CACNA2D4: variants seen among roughly 807,000 people sequenced by gnomAD.
CACNA2D4 encodes calcium voltage-gated channel auxiliary subunit alpha2delta 4, also known as voltage-dependent calcium channel subunit alpha-2/delta-4.
In CACNA2D4, 157 loss-of-function variants were observed where a neutral mutation model predicts 163.8. That is an observed-to-expected ratio of 0.96 (90% CI 0.84 to 1.09). CACNA2D4 has a LOEUF of 1.09. Ranked by LOEUF, CACNA2D4 falls within the 50% of genes least tolerant of loss-of-function variation. The probability of loss-of-function intolerance (pLI) is 0.00; values close to 1 mark genes in which losing one functional copy is unlikely to be tolerated. For missense variants in CACNA2D4, 1,410 were observed against 1,479.9 expected (o/e 0.95, Z 0.78); for synonymous variants, 598 against 586.9 (o/e 1.02, Z -0.27).
In CACNA2D4 at chr12:1,834,499, G is replaced by A; in HGVS notation, c.2551+6240C>T. On this transcript the variant is annotated intron_variant, in intron 26 of 37. Coordinates refer to ENST00000382722, the MANE Select transcript of CACNA2D4 (RefSeq NM_172364.5). The surrounding 1 kb of genome is among the most constrained non-coding windows in gnomAD (Gnocchi z 7.6). ...CCAGCACAGCCTGCCCACAGAAGCA[G>A]AGGCACCGGCCGGCGAGCGTGAGGC... 6.2e-7 allele frequency: 1 copy of A among 1,608,512 alleles called. No individual in the cohort carries two copies. Among genetic ancestry groups the A allele is most frequent in the Non-Finnish European group, 8.5e-7 (1 of 1,179,862 alleles).
rs201443597 is a variant in CACNA2D4 at position 1,865,543 on chromosome 12, A to C, written c.1879-5337T>G. Among the ~76,000 whole-genome samples the C allele has an allele frequency of 4.0e-5, 6 of 150,396 alleles. No individual in the cohort carries two copies. In the East Asian group the frequency reaches 1.2e-3, roughly 29 times the overall value. ...GGCAGGTCAAAGGTCACATTCTTAG[A>C]GCCACTCTTAGAGTCGTAGTTCATC... On this transcript the variant is annotated intron_variant, in intron 18 of 37. Coordinates refer to ENST00000382722, the MANE Select transcript of CACNA2D4 (RefSeq NM_172364.5).
intron 3 of CACNA2D4, 66 bp from the exon 4 acceptor site, chr12:1,910,031 G>GTTTCACTTGCTGA: frequency 7.3e-7 from 1 of 1,368,388 alleles, no homozygotes; most frequent in Non-Finnish European, 1.0e-6. Flanking sequence ...TTCAGCAAGT[G>GTTTCACTTGCTGA]AAACAGTTGC....
chr12:1,792,843 T>C lies in CACNA2D4; in HGVS notation c.*812A>G, dbSNP rs976526355. On this transcript the variant is annotated 3_prime_UTR_variant, in exon 38 of 38. Coordinates refer to ENST00000382722, the MANE Select transcript of CACNA2D4 (RefSeq NM_172364.5). ...ACAACCACTGCTCTTTTTCACTATT[T>C]TACAGCTATTTTTGCCGTCCCCTGA... The C allele has an allele frequency of 2.0e-5, 3 of 152,210 alleles. No individual in the cohort carries two copies. Among genetic ancestry groups the C allele is most frequent in the Non-Finnish European group, 4.4e-5 (3 of 68,044 alleles). The allele number at this position is 152,210 out of a possible 1,614,324, so 9.4% of individuals were successfully genotyped here. A position where few individuals can be genotyped will look rare whatever the true frequency, so the allele number is the denominator to read the frequency against.
At chr12:1,793,825 T>C in intron 37 of CACNA2D4, 66 bp from the exon 38 acceptor site, 1 of 1,369,228 alleles carries the variant, frequency 7.3e-7, no homozygotes, top group Middle Eastern at 2.5e-4. Context: ...GGGAGGGGCT[T>C]CCACCACTAA....
intron 6 of CACNA2D4, among the ~76,000 whole-genome samples, chr12:1,898,493 A>G (rs1409528356): frequency 6.6e-6 from 1 of 152,204 alleles, no homozygotes; most frequent in African/African-American, 2.4e-5. Context: ...GTCATTAATC[A>G]TTAAGGGCAT....
chr12:1,809,479 T>G (rs1177213290), intron 29 of CACNA2D4: 4 of 699,752 alleles, frequency 5.7e-6, no homozygotes, highest in African/African-American at 1.8e-5. Flanking sequence ...GTTCTGATGC[T>G]TCTGCCTTGC....
At chr12:1,868,005 C>T (rs968216095) in intron 18 of CACNA2D4, among the ~76,000 whole-genome samples, 3 of 152,154 alleles carry the variant, frequency 2.0e-5, no homozygotes. Context: ...AACCTTTGTA[C>T]ACTGTTGGTG....
At chr12:1,856,845 C>T (rs116788153) in intron 20 of CACNA2D4, among the ~76,000 whole-genome samples, 3,933 of 152,260 alleles carry the variant, frequency 0.026, 174 homozygotes, top group African/African-American at 0.089. Flanking sequence ...AGGTGCTCCA[C>T]TGAGGGTAAG....
intron 6 of CACNA2D4, among the ~76,000 whole-genome samples, chr12:1,907,111 A>G (rs1424861319): frequency 6.6e-6 from 1 of 152,264 alleles, no homozygotes; most frequent in Non-Finnish European, 1.5e-5. Flanking sequence ...CAATTGGGAC[A>G]TAAAGTCCTT....
intron 28 of CACNA2D4, 45 bp from the exon 29 acceptor site, chr12:1,810,385 A>G: frequency 6.3e-7 from 1 of 1,578,682 alleles, no homozygotes; most frequent in African/African-American, 1.3e-5. Flanking sequence ...GCCCTCACCC[A>G]CCCCGGTCCT....
At chr12:1,811,135 A>T (rs968297051) in intron 27 of CACNA2D4, among the ~76,000 whole-genome samples, 5 of 152,142 alleles carry the variant, frequency 3.3e-5, no homozygotes, top group African/African-American at 1.2e-4. Context: ...GCAGCAAGTG[A>T]TGGGGGCCGA....
chr12:1,809,208 G>T (rs1863633158), intron 29 of CACNA2D4, among the ~76,000 whole-genome samples: 1 of 152,210 alleles, frequency 6.6e-6, no homozygotes, highest in Non-Finnish European at 1.5e-5. Flanking sequence ...CGACTTCTTT[G>T]GATCCGAAGC....
At chr12:1,824,692 G>A (rs564846163) in intron 26 of CACNA2D4, among the ~76,000 whole-genome samples, 8 of 152,286 alleles carry the variant, frequency 5.3e-5, no homozygotes, top group East Asian at 3.9e-4. Flanking sequence ...TGCCTGCTGC[G>A]GCAGCTGCTC....
chr12:1,909,785 C>T, intron 4 of CACNA2D4, 121 bp downstream of exon 4: 1 of 761,812 alleles, frequency 1.3e-6, no homozygotes, highest in Non-Finnish European at 2.2e-6. Context: ...GAGGGGTGAG[C>T]AGTAAATGTC....
At chr12:1,860,899 C>T (rs900913835) in intron 18 of CACNA2D4, among the ~76,000 whole-genome samples, 2 of 152,230 alleles carry the variant, frequency 1.3e-5, no homozygotes, top group African/African-American at 4.8e-5. Context: ...AGGATTGAAG[C>T]CCAGCTCAGC....
At chr12:1,858,426 C>A in intron 20 of CACNA2D4, 151 bp downstream of exon 20, 1 of 652,924 alleles carries the variant, frequency 1.5e-6, no homozygotes, top group South Asian at 1.9e-5. Flanking sequence ...CGCCCCTCTC[C>A]ACCTGGCAGC....
chr12:1,831,548 G>C, intron 26 of CACNA2D4: 2 of 1,587,100 alleles, frequency 1.3e-6, no homozygotes, highest in Middle Eastern at 3.3e-4. Context: ...GGCCCTGCTG[G>C]GGCCCGAGGG....
chr12:1,810,470 G>T, intron 28 of CACNA2D4, 73 bp downstream of exon 28: 1 of 1,288,658 alleles, frequency 7.8e-7, no homozygotes, highest in Non-Finnish European at 1.1e-6. Context: ...GGAGAGGGAA[G>T]CTGGCCTGCC....
At chr12:1,817,864 C>A (rs1263143707) in intron 26 of CACNA2D4, among the ~76,000 whole-genome samples, 2 of 152,026 alleles carry the variant, frequency 1.3e-5, no homozygotes, top group African/African-American at 4.8e-5. Context: ...CCTGCCTTGG[C>A]CTCCCAAAGT....
Sources: allele counts gnomAD v4.1 joint callset (sites outside exome capture counted in the v4.1 genomes callset), GRCh38; gene constraint gnomAD v4.1.1; non-coding constraint Gnocchi (gnomAD v3.1); transcripts MANE v1.5; gene names NCBI Gene and HGNC (gene_info 2026-07-23, HGNC 2026-07-21).